RGSL1: variants seen among roughly 807,000 people sequenced by gnomAD.
RGSL1 encodes the protein regulator of G protein signaling like 1.
In RGSL1, 97 loss-of-function variants were observed where a neutral mutation model predicts 124.7. That is an observed-to-expected ratio of 0.78 (90% CI 0.66 to 0.92). RGSL1 has a LOEUF of 0.92. RGSL1 is among the 40% of genes least tolerant of loss of function. The probability of loss-of-function intolerance (pLI) is 0.00; values close to 1 mark genes in which losing one functional copy is unlikely to be tolerated. For missense variants in RGSL1, 1,233 were observed against 1,288.4 expected, an observed-to-expected ratio of 0.96 and a Z score of 0.66; for synonymous variants, 424 against 438.1, an observed-to-expected ratio of 0.97 and a Z score of 0.40.
chr1:182,513,375 A>G (rs1405984840), intron 9 of RGSL1, among the ~76,000 whole-genome samples: 1 of 152,172 alleles, frequency 6.6e-6, no homozygotes, highest in Non-Finnish European at 1.5e-5. Context: ...AGAGAAAAAA[A>G]AGATTTATAA....
intron 19 of RGSL1, among the ~76,000 whole-genome samples, chr1:182,553,786 C>A (rs1013565389): frequency 3.9e-5 from 6 of 152,252 alleles, no homozygotes; most frequent in Admixed American, 1.3e-4. Context: ...GTTTTTGTAA[C>A]CCCGGGAAGG....
At position 182,506,135 on chromosome 1, in the gene RGSL1, C is replaced by A. The variant is rs562037123; in HGVS notation, c.1825+13006C>A. 2.6e-5 allele frequency among the ~76,000 whole-genome samples: 4 copies of A among 152,072 alleles called. 1 individual carries two copies. In the South Asian group the frequency reaches 8.3e-4, roughly 32 times the overall value. Reference sequence around the variant, plus strand: ...CTTAGATTTTCTATTTCTTTTTATGCCATTTTAGTATGTTGTATATTTTAG... The same window carrying A: ...CTTAGATTTTCTATTTCTTTTTATGACATTTTAGTATGTTGTATATTTTAG... On this transcript the variant is annotated intron_variant, in intron 9 of 21. Coordinates refer to ENST00000294854, the MANE Select transcript of RGSL1 (RefSeq NM_001137669.2).
At chr1:182,532,880 T>A (rs1659279821) in intron 14 of RGSL1, 89 bp downstream of exon 14, 6 of 1,395,550 alleles carry the variant, frequency 4.3e-6, no homozygotes, top group Non-Finnish European at 5.8e-6. Context: ...CTTTGTGTCA[T>A]GCCTGCGGCA....
intron 6 of RGSL1, among the ~76,000 whole-genome samples, chr1:182,483,271 A>T (rs1254509868): frequency 6.6e-6 from 1 of 152,120 alleles, no homozygotes; most frequent in Non-Finnish European, 1.5e-5. Context: ...AGAAAAAAAA[A>T]AGCAAACAAA....
Position 182,536,849 on chromosome 1 carries a change from A to G in RGSL1, c.2495-3398A>G, listed in dbSNP as rs149077111. On this transcript the variant is annotated intron_variant, in intron 14 of 21. Coordinates refer to ENST00000294854, the MANE Select transcript of RGSL1 (RefSeq NM_001137669.2). ...GGGAAAGACCTGCCCCCATGATTCA[A>G]TTATCTCCCACCAGGTTCCTCCCAC... Among the ~76,000 whole-genome samples, 317 of 152,294 alleles carry G rather than the reference A, an allele frequency of 2.1e-3. 1 individual carries two copies. Among genetic ancestry groups the G allele is most frequent in the African/African-American group, 6.9e-3 (286 of 41,556 alleles).
At chr1:182,520,133 C>T (rs76930781) in intron 9 of RGSL1, among the ~76,000 whole-genome samples, 2,948 of 152,142 alleles carry the variant, frequency 0.019, 96 homozygotes, top group African/African-American at 0.067. Context: ...TTTGAACCTC[C>T]GGATGAAGTT....
Position 182,459,947 on chromosome 1 carries a change from T to G in RGSL1, c.172-57T>G. On this transcript the variant is annotated intron_variant, in intron 3 of 21. Coordinates refer to ENST00000294854, the MANE Select transcript of RGSL1 (RefSeq NM_001137669.2). The stretch of plus-strand genomic sequence containing the variant: ...TTAGTTGCCACTTACTAAGTTGTAT[T>G]TTTTTAGCAGTTCGGTTTCACTTAG... The G allele has an allele frequency of 8.5e-6, 13 of 1,527,188 alleles. No homozygotes were observed. In the South Asian group the frequency reaches 1.5e-4, roughly 18 times the overall value. The allele number at this position is 1,527,188 out of a possible 1,614,324, so 94.6% of individuals were successfully genotyped here. A position where few individuals can be genotyped will look rare whatever the true frequency, so the allele number is the denominator to read the frequency against.
intron 10 of RGSL1, among the ~76,000 whole-genome samples, chr1:182,526,968 C>A (rs2102255371): frequency 6.6e-6 from 1 of 152,204 alleles, no homozygotes; most frequent in East Asian, 1.9e-4. Context: ...ATAACTATAA[C>A]ATAAAGATGA....
intron 4 of RGSL1, among the ~76,000 whole-genome samples, chr1:182,463,293 C>CA (rs1213777400): frequency 0.16 from 9,615 of 59,722 alleles, 583 homozygotes; most frequent in African/African-American, 0.26. Context: ...GACTCCATCT[C>CA]AAAAAAAAAA....
At position 182,556,141 on chromosome 1, in the gene RGSL1, G is replaced by A; in HGVS notation, c.*84G>A. 1.5e-6 allele frequency: 2 copies of A among 1,329,850 alleles called. No homozygotes were observed. Among genetic ancestry groups the A allele is most frequent in the African/African-American group, 1.5e-5 (1 of 67,424 alleles). The allele number at this position is 1,329,850 out of a possible 1,614,324, so 82.4% of individuals were successfully genotyped here. ...AAACTTTTCTGGTCAAAAATGAAAG[G>A]TCCTGGTACCATCTTCCCCAGAAAC... On this transcript the variant is annotated 3_prime_UTR_variant, in exon 21 of 22. Transcript: ENST00000294854.
rs376685244 is a variant in RGSL1 at position 182,527,744 on chromosome 1, G to A, written c.2097G>A (p.Lys699=). ...AGTCTCTCATAGAAAATGTAATCAA[G>A]ACTTTCTTCCAAGGCCAACTCTCTC... The part of the protein sequence containing the change: ...ICKSLIENVI[K]TFFQGQLSPE... Residue 699 remains lysine (K), a synonymous_variant, in exon 11 of 22, where the codon AAG becomes AAA. Transcript: ENST00000294854. 6.4e-7 allele frequency: 1 copy of A among 1,550,692 alleles called. No individual in the cohort carries two copies. The highest frequency in any genetic ancestry group is 2.4e-5 in the East Asian group (1 of 40,892).
chr1:182,473,445 A>G lies in RGSL1; in HGVS notation c.464-130A>G, dbSNP rs1272460273. The G allele has an allele frequency of 2.0e-5, 21 of 1,034,764 alleles. No individual in the cohort carries two copies. In the East Asian group the frequency reaches 5.6e-4, roughly 27 times the overall value. 64.1% of individuals were successfully genotyped at this position (1,034,764 alleles called of 1,614,324 possible). A position where few individuals can be genotyped will look rare whatever the true frequency, so the allele number is the denominator to read the frequency against. On this transcript the variant is annotated intron_variant, in intron 5 of 21. Coordinates refer to ENST00000294854, the MANE Select transcript of RGSL1 (RefSeq NM_001137669.2). ...TCTATATTTAAACTATTCATACTCC[A>G]GGATTATATGAGGAACTAATAAAAT...
intron 9 of RGSL1, among the ~76,000 whole-genome samples, chr1:182,510,892 T>C (rs1237529165): frequency 2.6e-5 from 4 of 152,156 alleles, no homozygotes; most frequent in African/African-American, 9.7e-5. Flanking sequence ...CCTGTTTATT[T>C]TGATAATTGT....
intron 9 of RGSL1, among the ~76,000 whole-genome samples, chr1:182,513,371 A>G (rs1657613391): frequency 6.6e-6 from 1 of 152,226 alleles, no homozygotes; most frequent in African/African-American, 2.4e-5. Context: ...TGAGAGAGAA[A>G]AAAAAGATTT....
chr1:182,472,502 G>A lies in RGSL1; in HGVS notation c.408G>A (p.Arg136=), dbSNP rs773499852. ...DYYLSLLLML[R]ATHLQEGSRV... is the part of the protein sequence containing the mutation. ...ACCTGTCCCTCCTCCTCATGCTGAG[G>A]GCCACTCATCTGCAGGAGGGCTCCA... is the stretch of plus-strand genomic sequence containing the variant. The change falls in exon 5 of 22, where the codon AGG becomes AGA. Residue 136 remains arginine (R), a synonymous_variant. Coordinates refer to ENST00000294854, the MANE Select transcript of RGSL1 (RefSeq NM_001137669.2). 1 of 1,550,572 alleles carries A rather than the reference G, an allele frequency of 6.4e-7. No homozygotes were observed.
intron 9 of RGSL1, among the ~76,000 whole-genome samples, chr1:182,509,399 G>A (rs1392763602): frequency 7.2e-5 from 2 of 27,792 alleles, no homozygotes; most frequent in East Asian, 4.7e-4. Flanking sequence ...CCGGGCAGAG[G>A]CGCCCCTCAC....
At chr1:182,536,184 G>T (rs1659524946) in intron 14 of RGSL1, among the ~76,000 whole-genome samples, 1 of 151,988 alleles carries the variant, frequency 6.6e-6, no homozygotes, top group South Asian at 2.1e-4. Context: ...AGCACAATTT[G>T]TTTATTCATT....
At chr1:182,526,100 T>A (rs1352011651) in intron 10 of RGSL1, among the ~76,000 whole-genome samples, 2 of 152,192 alleles carry the variant, frequency 1.3e-5, no homozygotes, top group African/African-American at 4.8e-5. Context: ...AATTAAAATT[T>A]TCTCACATAG....
chr1:182,555,818 G>T, intron 20 of RGSL1: 1 of 586,612 alleles, frequency 1.7e-6, no homozygotes. Context: ...TCTTTACACT[G>T]GAAAAGCAAT....
Sources: gnomAD v4.1 joint callset for allele counts (sites outside exome capture counted in the v4.1 genomes callset) on GRCh38, gnomAD v4.1.1 for gene constraint, MANE v1.5 for transcripts, NCBI Gene and HGNC (gene_info 2026-07-23, HGNC 2026-07-21) for gene names.